The following PLCG2 variants were observed in gnomAD, a reference collection of about 807,000 sequenced individuals.
PLCG2 encodes 1-phosphatidylinositol 4,5-bisphosphate phosphodiesterase gamma-2.
In PLCG2, 69 loss-of-function variants were observed where a neutral mutation model predicts 175.6. The observed-to-expected ratio is 0.39, with a 90% CI of 0.32 to 0.48. PLCG2 has a LOEUF of 0.48. Among genes scored for constraint, PLCG2 ranks in the 20% least tolerant of loss-of-function variants. The probability of loss-of-function intolerance (pLI) is 0.91; values close to 1 mark genes in which losing one functional copy is unlikely to be tolerated. For missense variants in PLCG2, 1,798 were observed against 1,650.9 expected (o/e 1.09, Z -1.54); for synonymous variants, 827 against 624.0 (o/e 1.33, Z -4.85).
chr16:81,837,064 C>G (rs371179755), intron 2 of PLCG2, among the ~76,000 whole-genome samples: 1 of 152,186 alleles, frequency 6.6e-6, no homozygotes, highest in Non-Finnish European at 1.5e-5. Flanking sequence ...AGAATTTATT[C>G]CAGGCCATCC....
intron 30 of PLCG2, among the ~76,000 whole-genome samples, chr16:81,944,571 C>T (rs1382122003): frequency 6.6e-6 from 1 of 152,174 alleles, no homozygotes; most frequent in Non-Finnish European, 1.5e-5. Flanking sequence ...CTCAAGCAAT[C>T]CTCCTGCCTC....
At chr16:81,829,525 C>G (rs1905177650) in intron 2 of PLCG2, among the ~76,000 whole-genome samples, 1 of 152,198 alleles carries the variant, frequency 6.6e-6, no homozygotes, top group Non-Finnish European at 1.5e-5. Context: ...GCCCATTTCT[C>G]TGTTTTATAT....
At chr16:81,916,563 T>C (rs1468593645) in intron 19 of PLCG2, among the ~76,000 whole-genome samples, 1 of 147,608 alleles carries the variant, frequency 6.8e-6, no homozygotes, top group African/African-American at 2.4e-5. Flanking sequence ...GATAATAACA[T>C]ATACACACAC....
chr16:81,875,060 T>G (rs1907713108), intron 7 of PLCG2, among the ~76,000 whole-genome samples: 1 of 150,200 alleles, frequency 6.7e-6, no homozygotes, highest in African/African-American at 2.5e-5. Flanking sequence ...TCCTTCCGGG[T>G]TCAAGCGATT....
chr16:81,910,503 G>A lies in PLCG2; in HGVS notation c.1734-17G>A. On this transcript the variant is annotated splice_polypyrimidine_tract_variant and intron_variant, in intron 17 of 32. Transcript: ENST00000564138. ...GGCCTGCGTTCTCCCAGCACTGATG[G>A]CGTCCTCTCCCCGCAGGCGGTCAGG... 1 of 1,612,512 alleles carries A rather than the reference G, an allele frequency of 6.2e-7. No homozygotes were observed. Among genetic ancestry groups the A allele is most frequent in the Non-Finnish European group, 8.5e-7 (1 of 1,179,400 alleles).
rs1361717872 is a variant in PLCG2 at position 81,901,947 on chromosome 16, A to G, written c.1362+1167A>G. ...GAAAAGGGTCTGTAGCTTTCCCCAG[A>G]TTTTGAAGGAGCTCATTACACAAAA... On this transcript the variant is annotated intron_variant, in intron 14 of 32. Coordinates refer to ENST00000564138, the MANE Select transcript of PLCG2 (RefSeq NM_002661.5). Among the ~76,000 whole-genome samples, 4 of 152,280 alleles carry G rather than the reference A, an allele frequency of 2.6e-5. No individual in the cohort carries two copies. The East Asian group carries it at 7.7e-4, about 29-fold the overall frequency.
chr16:81,931,326 C>A, intron 24 of PLCG2, 171 bp from the exon 25 acceptor site: 1 of 544,736 alleles, frequency 1.8e-6, no homozygotes, highest in Non-Finnish European at 3.2e-6. Context: ...CTTGAGTAGT[C>A]ATCTGTGATG....
Position 81,846,291 on chromosome 16 carries a change from C to T in PLCG2, c.194-8153C>T, listed in dbSNP as rs1184855576. Among the ~76,000 whole-genome samples, 8 of 152,228 alleles carry T rather than the reference C, an allele frequency of 5.3e-5. No individual in the cohort carries two copies. The South Asian group carries it at 1.5e-3, about 28-fold the overall frequency. ...TACTTTTCCGGTGTGATTCATGCTCCAGACATCCCCCCGCCACTCCCTATA... is the reference window on the plus strand; with the variant it reads ...TACTTTTCCGGTGTGATTCATGCTCTAGACATCCCCCCGCCACTCCCTATA... On this transcript the variant is annotated intron_variant, in intron 2 of 32. Transcript: ENST00000564138.
chr16:81,786,597 C>T (rs1458841400), intron 2 of PLCG2, among the ~76,000 whole-genome samples: 1 of 152,154 alleles, frequency 6.6e-6, no homozygotes, highest in Non-Finnish European at 1.5e-5. Flanking sequence ...TACTGCATAC[C>T]ATAGCAGTGA....
chr16:81,904,821 T>C (rs918025285), intron 14 of PLCG2, among the ~76,000 whole-genome samples: 2 of 151,842 alleles, frequency 1.3e-5, no homozygotes, highest in African/African-American at 2.4e-5. Context: ...GCTAGACAAG[T>C]GAGAGGAATA....
At chr16:81,801,352 C>T (rs1911707990) in intron 2 of PLCG2, among the ~76,000 whole-genome samples, 1 of 152,256 alleles carries the variant, frequency 6.6e-6, no homozygotes, top group East Asian at 1.9e-4. Context: ...CCATGATTAA[C>T]ATATAATATG....
intron 2 of PLCG2, among the ~76,000 whole-genome samples, chr16:81,771,057 C>CA (rs762815312): frequency 0.024 from 2,272 of 94,424 alleles, 54 homozygotes; most frequent in African/African-American, 0.1. Flanking sequence ...GACTCCATCT[C>CA]AAAAAAAAAA....
At chr16:81,897,880 C>T (rs1291096870) in intron 13 of PLCG2, 2 of 455,566 alleles carry the variant, frequency 4.4e-6, no homozygotes, top group Non-Finnish European at 8.8e-6. Flanking sequence ...CTGCAGATGT[C>T]CCTTGAGCTG....
In PLCG2 at chr16:81,891,715, C is replaced by A. The variant is rs181588282; in HGVS notation, c.986+125C>A. The A allele has an allele frequency of 3.9e-4, 239 of 618,054 alleles. 2 individuals are homozygous for A. The East Asian group carries it at 6.1e-3, about 16-fold the overall frequency. The allele number at this position is 618,054 out of a possible 1,614,324, so 38.3% of individuals were successfully genotyped here. A position where few individuals can be genotyped will look rare whatever the true frequency, so the allele number is the denominator to read the frequency against. On this transcript the variant is annotated intron_variant, in intron 11 of 32. Transcript: ENST00000564138. ...CAGGTGGAGGGTGTAGCACCGCATTCCTTGGACTAAAATACACAGAAGCTT... is the reference window on the plus strand; with the variant it reads ...CAGGTGGAGGGTGTAGCACCGCATTACTTGGACTAAAATACACAGAAGCTT...
intron 2 of PLCG2, among the ~76,000 whole-genome samples, chr16:81,795,431 A>G (rs1028501961): frequency 6.6e-6 from 1 of 152,206 alleles, no homozygotes; most frequent in Non-Finnish European, 1.5e-5. Flanking sequence ...CTATTAGTGA[A>G]GGTAGCCTAA....
chr16:81,892,748 G>T (rs910110409), intron 11 of PLCG2, among the ~76,000 whole-genome samples: 7 of 151,944 alleles, frequency 4.6e-5, no homozygotes, highest in African/African-American at 1.7e-4. Flanking sequence ...AGATTATTTT[G>T]TCACCCAGGC....
intron 7 of PLCG2, among the ~76,000 whole-genome samples, chr16:81,875,123 C>T (rs963246120): frequency 6.6e-6 from 1 of 151,932 alleles, no homozygotes; most frequent in Non-Finnish European, 1.5e-5. Context: ...ACCATCACGC[C>T]TGGCTAATTT....
intron 31 of PLCG2, among the ~76,000 whole-genome samples, chr16:81,953,301 G>C (rs754940172): frequency 5.3e-5 from 8 of 152,124 alleles, no homozygotes; most frequent in Non-Finnish European, 1.0e-4. Flanking sequence ...TTTTAGTATT[G>C]CACCGATATT....
intron 30 of PLCG2, among the ~76,000 whole-genome samples, chr16:81,940,802 TAGCTTCTATA>T (rs1238874894): frequency 6.6e-6 from 1 of 152,186 alleles, no homozygotes; most frequent in African/African-American, 2.4e-5. Context: ...TGGCTCTCCT[TAGCTTCTATA>T]TAGTTTCTCT....
Sources: gnomAD v4.1 joint callset for allele counts (sites outside exome capture counted in the v4.1 genomes callset) on GRCh38, gnomAD v4.1.1 for gene constraint, MANE v1.5 for transcripts, NCBI Gene and HGNC (gene_info 2026-07-23, HGNC 2026-07-21) for gene names.